The following NAA16 variants were observed in gnomAD, a reference collection of about 807,000 sequenced individuals.
The protein encoded by NAA16 is NARG1-like protein.
In NAA16, 97 loss-of-function variants were observed where a neutral mutation model predicts 110.3. That is an observed-to-expected ratio of 0.88 (90% CI 0.75 to 1.04). The LOEUF (loss-of-function observed/expected upper bound fraction) is 1.04, where lower values mean the gene tolerates loss of function less well. Among genes scored for constraint, NAA16 ranks in the 50% least tolerant of loss-of-function variants. The pLI is 0.00. For synonymous variants in NAA16, 372 were observed against 330.6 expected (o/e 1.13, Z -1.36); for missense variants, 1,017 against 1,005.1 (o/e 1.01, Z -0.16).
At chr13:41,338,308 A>G (rs879000310) in intron 9 of NAA16, among the ~76,000 whole-genome samples, 1 of 152,218 alleles carries the variant, frequency 6.6e-6, no homozygotes, top group Admixed American at 6.5e-5. Flanking sequence ...GGGCTTTCAC[A>G]GGGTGTTGTT....
intron 13 of NAA16, among the ~76,000 whole-genome samples, chr13:41,366,284 A>G (rs1281761035): frequency 6.6e-6 from 1 of 152,162 alleles, no homozygotes; most frequent in Non-Finnish European, 1.5e-5. Context: ...ATAATTCTGT[A>G]TATAGTGTGT....
At chr13:41,342,252 C>T (rs1189926420) in intron 9 of NAA16, among the ~76,000 whole-genome samples, 2 of 152,028 alleles carry the variant, frequency 1.3e-5, no homozygotes, top group Non-Finnish European at 2.9e-5. Flanking sequence ...AGCCTCCTGC[C>T]TCAGCCTCCC....
chr13:41,340,008 A>G (rs2042493230), intron 9 of NAA16, among the ~76,000 whole-genome samples: 1 of 152,226 alleles, frequency 6.6e-6, no homozygotes, highest in Admixed American at 6.5e-5. Flanking sequence ...AGAATCTTCT[A>G]TAAACTCTGA....
rs745733433 is a variant in NAA16, at chr13:41,367,469, G to A, written c.1570G>A (p.Asp524Asn). ...HFFEITDDQFDFHTYCMRKMT... is the reference protein window; with the variant it reads ...HFFEITDDQFNFHTYCMRKMT... Reference sequence around the variant, plus strand: ...TTTTGAGATAACTGATGACCAATTCGACTTCCATACATACTGCATGAGAAA... The same window carrying A: ...TTTTGAGATAACTGATGACCAATTCAACTTCCATACATACTGCATGAGAAA... The change falls in exon 14 of 20, where the codon GAC becomes AAC. Residue 524 changes from aspartate to asparagine, a missense_variant. Coordinates refer to ENST00000379406, the MANE Select transcript of NAA16 (RefSeq NM_024561.5). 3.8e-6 allele frequency: 6 copies of A among 1,598,372 alleles called. No homozygotes were observed. The highest frequency in any genetic ancestry group is 2.7e-5 in the African/African-American group (2 of 74,352).
At chr13:41,356,252 C>T (rs935044087) in intron 10 of NAA16, among the ~76,000 whole-genome samples, 1 of 152,090 alleles carries the variant, frequency 6.6e-6, no homozygotes, top group Non-Finnish European at 1.5e-5. Flanking sequence ...ATCTTGAACT[C>T]CTGAGCTCTA....
At chr13:41,374,187 G>T (rs1369098040) in intron 18 of NAA16, among the ~76,000 whole-genome samples, 1 of 151,446 alleles carries the variant, frequency 6.6e-6, no homozygotes, top group African/African-American at 2.4e-5. Flanking sequence ...TGTCGCCCAG[G>T]CTGGAGTATG....
intron 6 of NAA16, among the ~76,000 whole-genome samples, chr13:41,326,629 G>A (rs1426802642): frequency 1.3e-5 from 2 of 152,106 alleles, no homozygotes; most frequent in African/African-American, 2.4e-5. Context: ...TTAAGGACTT[G>A]CCCAAAGTCA....
chr13:41,322,661 A>G (rs915168844), intron 4 of NAA16, among the ~76,000 whole-genome samples: 1 of 152,310 alleles, frequency 6.6e-6, no homozygotes, highest in Non-Finnish European at 1.5e-5. Context: ...TGTCTGGCCA[A>G]TTATTACAAT....
intron 9 of NAA16, among the ~76,000 whole-genome samples, chr13:41,340,479 T>C (rs1180702817): frequency 6.6e-6 from 1 of 152,076 alleles, no homozygotes; most frequent in African/African-American, 2.4e-5. Flanking sequence ...GCTATAAATT[T>C]CCCTCTACAC....
At chr13:41,369,309 T>C in intron 15 of NAA16, 26 bp downstream of exon 15, 2 of 1,501,332 alleles carry the variant, frequency 1.3e-6, no homozygotes, top group Non-Finnish European at 1.8e-6. Flanking sequence ...CTATCTTTGT[T>C]ATTTGGTAAA....
At chr13:41,313,706 T>C (rs2041721279) in intron 1 of NAA16, among the ~76,000 whole-genome samples, 1 of 152,184 alleles carries the variant, frequency 6.6e-6, no homozygotes, top group Admixed American at 6.6e-5. Context: ...GTTTGTTGAA[T>C]TTTGGAGGTA....
At chr13:41,367,327 G>GA (rs1593526448) in intron 13 of NAA16, 112 bp from the exon 14 acceptor site, 1 of 708,346 alleles carries the variant, frequency 1.4e-6, no homozygotes, top group Non-Finnish European at 2.3e-6. Flanking sequence ...GCAGCTAAGT[G>GA]AAAATTGTGA....
rs541290157 is a variant in NAA16, at chr13:41,333,226, G to A, written c.907+1857G>A. Among the ~76,000 whole-genome samples the A allele has an allele frequency of 3.3e-5, 5 of 152,172 alleles. No individual in the cohort carries two copies. The South Asian group carries it at 1.0e-3, about 32-fold the overall frequency. On this transcript the variant is annotated intron_variant, in intron 8 of 19. Transcript: ENST00000379406. ...GGAAGATGCTTAGGCTTACATTTCT[G>A]TATTTCTTCCTTCTCCTCTTTGTTT...
At chr13:41,313,489 A>G (rs1039528284) in intron 1 of NAA16, among the ~76,000 whole-genome samples, 3 of 152,254 alleles carry the variant, frequency 2.0e-5, no homozygotes, top group Non-Finnish European at 4.4e-5. Flanking sequence ...TTTGGCTACA[A>G]CAAATTCCAT....
intron 14 of NAA16, among the ~76,000 whole-genome samples, chr13:41,367,973 A>G (rs1593527796): frequency 6.6e-6 from 1 of 152,308 alleles, no homozygotes; most frequent in East Asian, 1.9e-4. Context: ...CAAGGCAGGC[A>G]GATCATTTGA....
At chr13:41,362,911 CT>C in intron 13 of NAA16, 26 of 1,132,974 alleles carry the variant, frequency 2.3e-5, no homozygotes, top group Middle Eastern at 3.9e-4. Context: ...TCACTTTGGC[CT>C]TTTTCCCACG....
At position 41,311,462 on chromosome 13, in the gene NAA16, C is replaced by A. The variant is rs904587629; in HGVS notation, c.-67C>A. On this transcript the variant is annotated 5_prime_UTR_variant, in exon 1 of 20. Transcript: ENST00000379406. ...AGCAGCGGTTCGTCCCGGTGCCCAC[C>A]CCCGCGAAGCGGAGCGCCCGGGCAC... 109 of 1,488,310 alleles carry A rather than the reference C, an allele frequency of 7.3e-5. No individual in the cohort carries two copies. Among genetic ancestry groups the A allele is most frequent in the South Asian group, 2.5e-4 (21 of 82,868 alleles). The allele number at this position is 1,488,310 out of a possible 1,614,324, so 92.2% of individuals were successfully genotyped here. A position where few individuals can be genotyped will look rare whatever the true frequency, so the allele number is the denominator to read the frequency against.
chr13:41,359,020 T>C, intron 12 of NAA16, 58 bp downstream of exon 12: 4 of 1,433,154 alleles, frequency 2.8e-6, no homozygotes, highest in Non-Finnish European at 3.8e-6. Flanking sequence ...TTGTGAAGTT[T>C]GTCTAAATTA....
chr13:41,346,157 G>A (rs2042675802), intron 9 of NAA16, among the ~76,000 whole-genome samples: 2 of 152,136 alleles, frequency 1.3e-5, no homozygotes, highest in African/African-American at 2.4e-5. Flanking sequence ...AGTTCATTTT[G>A]TATATGGTGT....
Sources: gnomAD v4.1 joint callset for allele counts (sites outside exome capture counted in the v4.1 genomes callset) on GRCh38, gnomAD v4.1.1 for gene constraint, MANE v1.5 for transcripts, NCBI Gene and HGNC (gene_info 2026-07-23, HGNC 2026-07-21) for gene names.